Variants in SDK2 observed in about 807,000 individuals in gnomAD.
The protein encoded by SDK2 is protein sidekick-2.
In SDK2, 105 loss-of-function variants were observed where a neutral mutation model predicts 253.9. The ratio of observed to expected loss-of-function variants is 0.41; its 90% confidence interval spans 0.35 to 0.49. SDK2 has a LOEUF of 0.49. SDK2 is among the 20% of genes least tolerant of loss of function. The pLI, the probability that SDK2 is intolerant of heterozygous loss-of-function variation, is 0.06. For missense variants in SDK2, 2,608 were observed against 3,003.0 expected (o/e 0.87, Z 3.07); for synonymous variants, 1,249 against 1,234.9 (o/e 1.01, Z -0.24).
intron 16 of SDK2, among the ~76,000 whole-genome samples, 159 bp from the exon 17 acceptor site, chr17:73,416,151 C>G (rs1290580135): frequency 6.6e-6 from 1 of 151,758 alleles, no homozygotes; most frequent in African/African-American, 2.4e-5. Context: ...GCACATGCAG[C>G]TGCTGAGCAC....
chr17:73,594,408 C>T (rs561778850), intron 1 of SDK2, among the ~76,000 whole-genome samples: 8 of 152,242 alleles, frequency 5.3e-5, no homozygotes, highest in Middle Eastern at 3.4e-3. Context: ...GTGCTGCTCC[C>T]TAAGACCCTA....
intron 1 of SDK2, among the ~76,000 whole-genome samples, chr17:73,531,955 G>A (rs183037138): frequency 6.6e-6 from 1 of 152,140 alleles, no homozygotes; most frequent in Non-Finnish European, 1.5e-5. Context: ...TGGCTGAGGT[G>A]CCTGTACCTA....
intron 39 of SDK2, among the ~76,000 whole-genome samples, chr17:73,358,490 T>C (rs2062612069): frequency 6.6e-6 from 1 of 152,154 alleles, no homozygotes; most frequent in Non-Finnish European, 1.5e-5. Context: ...GAGACCTGGG[T>C]TCCAGCCCAG....
rs561844021 is a variant in SDK2 at position 73,419,918 on chromosome 17, C to T, written c.2046-612G>A. ...AAATTAATGTACATGTTTTTGGTGC[C>T]GTTGAGGGATGTAAGTTTCAGTTTC... On this transcript the variant is annotated intron_variant, in intron 15 of 44. Transcript: ENST00000392650. Among the ~76,000 whole-genome samples the T allele has an allele frequency of 3.3e-5, 5 of 151,790 alleles. No individual in the cohort carries two copies. The East Asian group carries it at 9.7e-4, about 29-fold the overall frequency.
intron 29 of SDK2, among the ~76,000 whole-genome samples, chr17:73,388,889 T>TCTCC (rs369112065): frequency 3.9e-5 from 3 of 77,276 alleles, no homozygotes; most frequent in African/African-American, 7.3e-5. Context: ...TTCTCTTCCT[T>TCTCC]CTCCCTCCCT....
In SDK2 at chr17:73,618,937, C is replaced by A. The variant is rs971157943; in HGVS notation, c.64+25088G>T. On this transcript the variant is annotated intron_variant, in intron 1 of 44. Coordinates refer to ENST00000392650, the MANE Select transcript of SDK2 (RefSeq NM_001144952.2). The surrounding 1 kb of genome is among the most constrained non-coding windows in gnomAD (Gnocchi z 4.1). ...ATCCCAGCACTTTGGGAGGCCAAGGCGGGTGGATCACTTGAGGTCAGGAGT... is the reference window on the plus strand; with the variant it reads ...ATCCCAGCACTTTGGGAGGCCAAGGAGGGTGGATCACTTGAGGTCAGGAGT... Among the ~76,000 whole-genome samples the A allele has an allele frequency of 6.6e-6, 1 of 152,086 alleles. No homozygotes were observed. The highest frequency in any genetic ancestry group is 1.5e-5 in the Non-Finnish European group (1 of 68,022).
chr17:73,486,835 C>A (rs1039868469), intron 2 of SDK2, among the ~76,000 whole-genome samples: 1 of 151,874 alleles, frequency 6.6e-6, no homozygotes, highest in Admixed American at 6.6e-5. Context: ...AAGGGAGGGG[C>A]GGTGGGCTGG....
In SDK2 at chr17:73,431,154, CAG is replaced by C. The variant is rs1403035472; in HGVS notation, c.1480+346_1480+347del. ...ACGGAAGCTAGTTGAGTCGTTGTGA[CAG>C]AGACCGTCTGGCCCACACAGCTTAA... On this transcript the variant is annotated intron_variant, in intron 11 of 44. Coordinates refer to ENST00000392650, the MANE Select transcript of SDK2 (RefSeq NM_001144952.2). This position sits in a 1 kb window ranked among gnomAD's most constrained non-coding sequence, Gnocchi z 5.6. 2.6e-5 allele frequency among the ~76,000 whole-genome samples: 4 copies of C among 152,342 alleles called. No individual in the cohort carries two copies. The highest frequency in any genetic ancestry group is 7.2e-5 in the African/African-American group (3 of 41,578).
chr17:73,455,265 T>C lies in SDK2; in HGVS notation c.479+641A>G, dbSNP rs961986395. Among the ~76,000 whole-genome samples the C allele has an allele frequency of 1.3e-5, 2 of 152,026 alleles. No individual in the cohort carries two copies. Among genetic ancestry groups the C allele is most frequent in the African/African-American group, 4.8e-5 (2 of 41,396 alleles). On this transcript the variant is annotated intron_variant, in intron 4 of 44. Transcript: ENST00000392650. This position sits in a 1 kb window ranked among gnomAD's most constrained non-coding sequence, Gnocchi z 5.0. ...TCAGGAGGGCGGGGAGACGGGTGTA[T>C]CTCGGGAGGAACTGCTTTGTTGCTC...
chr17:73,461,203 C>G (rs1257130098), intron 3 of SDK2, among the ~76,000 whole-genome samples: 1 of 152,262 alleles, frequency 6.6e-6, no homozygotes, highest in Admixed American at 6.5e-5. Flanking sequence ...GCCCTGCACA[C>G]AGTACTTTCT....
Position 73,431,296 on chromosome 17 carries a change from A to G in SDK2, c.1480+206T>C, listed in dbSNP as rs923937295. ...TCTCAAGTCGGCCAAGCATAGCATCACCGGCAGAATCTTCCTAGTCCCTGG... is the reference window on the plus strand; with the variant it reads ...TCTCAAGTCGGCCAAGCATAGCATCGCCGGCAGAATCTTCCTAGTCCCTGG... On this transcript the variant is annotated intron_variant, in intron 11 of 44. Coordinates refer to ENST00000392650, the MANE Select transcript of SDK2 (RefSeq NM_001144952.2). This position sits in a 1 kb window ranked among gnomAD's most constrained non-coding sequence, Gnocchi z 5.6. Among the ~76,000 whole-genome samples, 15 of 152,120 alleles carry G rather than the reference A, an allele frequency of 9.9e-5. No individual in the cohort carries two copies. The highest frequency in any genetic ancestry group is 1.9e-4 in the Non-Finnish European group (13 of 68,024).
intron 15 of SDK2, among the ~76,000 whole-genome samples, chr17:73,421,554 G>A (rs1281771267): frequency 7.0e-6 from 1 of 143,798 alleles, no homozygotes; most frequent in Non-Finnish European, 1.5e-5. Flanking sequence ...AGCATCTGCA[G>A]CTTTTATTCA....
At chr17:73,450,634 T>C (rs1019956036) in intron 4 of SDK2, among the ~76,000 whole-genome samples, 5 of 152,210 alleles carry the variant, frequency 3.3e-5, no homozygotes, top group Non-Finnish European at 7.4e-5. Flanking sequence ...ATTTCATCTC[T>C]TTCTTGATCA....
rs1041195505 is a variant in SDK2 at position 73,431,417 on chromosome 17, C to T, written c.1480+85G>A. On this transcript the variant is annotated intron_variant, in intron 11 of 44. Coordinates refer to ENST00000392650, the MANE Select transcript of SDK2 (RefSeq NM_001144952.2). The surrounding 1 kb of genome is among the most constrained non-coding windows in gnomAD (Gnocchi z 5.6). The stretch of plus-strand genomic sequence containing the variant: ...ACACTGGTGGTATGAGCCTGTGCCC[C>T]GTAGCTGTCCTGAGTCCTCAGCACC... The T allele has an allele frequency of 3.8e-5, 51 of 1,342,820 alleles. No individual in the cohort carries two copies. In the East Asian group the frequency reaches 6.4e-4, roughly 17 times the overall value. 83.2% of individuals were successfully genotyped at this position (1,342,820 alleles called of 1,614,324 possible).
Position 73,368,421 on chromosome 17 carries a change from T to C in SDK2, c.5153A>G (p.Gln1718Arg). 2.6e-6 allele frequency: 4 copies of C among 1,566,502 alleles called. No individual in the cohort carries two copies. Among genetic ancestry groups the C allele is most frequent in the Non-Finnish European group, 3.5e-6 (4 of 1,155,942 alleles). Residue 1718 changes from glutamine to arginine, a missense_variant, in exon 37 of 45, where the codon CAG (glutamine) becomes CGG (arginine). Transcript: ENST00000392650. ...DGPRSTPTQGQTQQAAPSAPS... is the reference protein window; with the variant it reads ...DGPRSTPTQGRTQQAAPSAPS... ...CCCTCTCCCACCTGCTTGCTGGGTC[T>C]GGCCTTGGGTGGGGGTGCTCCGAGG...
At chr17:73,607,382 C>A (rs1191540776) in intron 1 of SDK2, among the ~76,000 whole-genome samples, 2 of 146,276 alleles carry the variant, frequency 1.4e-5, no homozygotes, top group African/African-American at 5.5e-5. Flanking sequence ...CTCATTTCTT[C>A]ATTCAACTGT....
intron 1 of SDK2, among the ~76,000 whole-genome samples, chr17:73,605,852 G>A (rs1453191181): frequency 2.0e-5 from 3 of 152,130 alleles, no homozygotes; most frequent in East Asian, 3.9e-4. Context: ...CTGGCAGATC[G>A]GTAGTCCCTT....
intron 1 of SDK2, among the ~76,000 whole-genome samples, chr17:73,528,019 G>A (rs1036228117): frequency 2.0e-5 from 3 of 152,152 alleles, no homozygotes; most frequent in Non-Finnish European, 4.4e-5. Flanking sequence ...AGCGTCAGCA[G>A]TGAGGGCGAG....
rs191573231 is a variant in SDK2, at chr17:73,544,519, C to T, written c.65-36922G>A. ...ATGGATGGAAAGAAGGAAAGACAAA[C>T]GGACAGATGAATAGATGGATAAACA... On this transcript the variant is annotated intron_variant, in intron 1 of 44. Transcript: ENST00000392650. 5.2e-3 allele frequency among the ~76,000 whole-genome samples: 787 copies of T among 152,122 alleles called. 2 individuals are homozygous for T. Among genetic ancestry groups the T allele is most frequent in the Non-Finnish European group, 8.4e-3 (572 of 68,010 alleles).
Sources: gnomAD v4.1 joint callset for allele counts (sites outside exome capture counted in the v4.1 genomes callset) on GRCh38, gnomAD v4.1.1 for gene constraint, Gnocchi (gnomAD v3.1) non-coding constraint, MANE v1.5 for transcripts, NCBI Gene and HGNC (gene_info 2026-07-23, HGNC 2026-07-21) for gene names.